Variants in CLOCK observed in about 807,000 individuals in gnomAD.
The protein encoded by CLOCK is clock circadian regulator, also known as circadian locomoter output cycles protein kaput.
A neutral mutation model predicts 118.4 loss-of-function variants in CLOCK; 43 were observed. That is an observed-to-expected ratio of 0.36 (90% CI 0.28 to 0.47). The LOEUF (loss-of-function observed/expected upper bound fraction) is 0.47, where lower values mean the gene tolerates loss of function less well. Ranked by LOEUF, CLOCK falls within the 20% of genes least tolerant of loss-of-function variation. The pLI is 1.00. For synonymous variants in CLOCK, 326 were observed against 339.2 expected, an observed-to-expected ratio of 0.96 and a Z score of 0.43; for missense variants, 846 against 999.9, an observed-to-expected ratio of 0.85 and a Z score of 2.08.
intron 1 of CLOCK, among the ~76,000 whole-genome samples, chr4:55,522,504 TA>T (rs77210975): frequency 0.032 from 4,738 of 147,912 alleles, 246 homozygotes; most frequent in African/African-American, 0.11. Context: ...TGTTTTTTTT[TA>T]AAAAAAAAAG....
chr4:55,437,894 C>T (rs998846447), intron 22 of CLOCK, among the ~76,000 whole-genome samples: 2 of 152,104 alleles, frequency 1.3e-5, no homozygotes, highest in Admixed American at 6.5e-5. Flanking sequence ...TTTAAGGTAA[C>T]ACCTATACTA....
intron 1 of CLOCK, among the ~76,000 whole-genome samples, chr4:55,531,517 C>G (rs1202918061): frequency 6.6e-6 from 1 of 151,526 alleles, no homozygotes; most frequent in Middle Eastern, 3.2e-3. Context: ...CCATCCTGGC[C>G]AACATGGTGA....
At chr4:55,473,217 C>T (rs7668147) in intron 7 of CLOCK, among the ~76,000 whole-genome samples, 88,419 of 151,108 alleles carry the variant, frequency 0.59, 27,445 homozygotes, top group South Asian at 0.81. Flanking sequence ...AGCAAGACTC[C>T]GTCTCCCAAA....
In CLOCK at chr4:55,517,402, C is replaced by A. The variant is rs538518306; in HGVS notation, c.-289-7337G>T. 7.3e-4 allele frequency among the ~76,000 whole-genome samples: 111 copies of A among 152,194 alleles called. 1 individual carries two copies. Among genetic ancestry groups the A allele is most frequent in the Non-Finnish European group, 1.3e-3 (87 of 68,006 alleles). On this transcript the variant is annotated intron_variant, in intron 1 of 22. Transcript: ENST00000513440. ...GCACGGGCCTGTAGTCCCAGCTACT[C>A]AGGAGGCTGAGGCAGGAGAATCACT...
intron 7 of CLOCK, 96 bp from the exon 8 acceptor site, chr4:55,470,902 G>T: frequency 1.2e-6 from 1 of 831,704 alleles, no homozygotes; most frequent in Non-Finnish European, 2.0e-6. Context: ...GATTTAATAT[G>T]GAAATATCCA....
At chr4:55,438,575 G>A in intron 21 of CLOCK, 38 bp from the exon 22 acceptor site, 2 of 1,611,986 alleles carry the variant, frequency 1.2e-6, no homozygotes, top group South Asian at 2.2e-5. Context: ...GGAGTCCAAA[G>A]TACAAGGTAT....
rs114805814 is a variant in CLOCK, at chr4:55,456,861, T to C, written c.793-561A>G. 8.3e-3 allele frequency among the ~76,000 whole-genome samples: 1,257 copies of C among 152,112 alleles called. 21 individuals carry two copies. The highest frequency in any genetic ancestry group is 0.029 in the African/African-American group (1,197 of 41,498). On this transcript the variant is annotated intron_variant, in intron 11 of 22. Coordinates refer to ENST00000513440, the MANE Select transcript of CLOCK (RefSeq NM_004898.4). ...GCCCGGCTAATTTTTGTATTTTTAT[T>C]TGTAGAGGTGGGGGGTCTATGTTGT...
chr4:55,457,677 C>G (rs1243690293), intron 11 of CLOCK, among the ~76,000 whole-genome samples: 3 of 152,172 alleles, frequency 2.0e-5, no homozygotes, highest in African/African-American at 2.4e-5. Context: ...CACACACTAA[C>G]CCTAGACTCT....
At chr4:55,517,435 G>A (rs925335171) in intron 1 of CLOCK, among the ~76,000 whole-genome samples, 14 of 152,082 alleles carry the variant, frequency 9.2e-5, no homozygotes, top group Admixed American at 2.0e-4. Context: ...ACTTGAACCC[G>A]GGAGGCAGAG....
intron 1 of CLOCK, among the ~76,000 whole-genome samples, chr4:55,529,734 T>G (rs1730417666): frequency 6.6e-6 from 1 of 152,174 alleles, no homozygotes. Context: ...GACAAAGAGA[T>G]TAATCATTTG....
chr4:55,539,294 T>C (rs1731100202), intron 1 of CLOCK, among the ~76,000 whole-genome samples: 1 of 150,444 alleles, frequency 6.6e-6, no homozygotes, highest in Non-Finnish European at 1.5e-5. Context: ...AAGGTGAAAC[T>C]GCCGTGCATG....
chr4:55,540,007 ATTT>A (rs57907284), intron 1 of CLOCK, among the ~76,000 whole-genome samples: 312 of 135,986 alleles, frequency 2.3e-3, no homozygotes, highest in South Asian at 8.2e-3. Context: ...AATGATATTA[ATTT>A]TTTTTTTTTT....
At chr4:55,456,107 G>T in intron 12 of CLOCK, 104 bp from the exon 13 acceptor site, 14 of 1,337,288 alleles carry the variant, frequency 1.0e-5, no homozygotes, top group Non-Finnish European at 1.3e-5. Flanking sequence ...TCAAAAAATG[G>T]GAACAGGTTT....
intron 19 of CLOCK, 110 bp from the exon 20 acceptor site, chr4:55,444,006 A>G: frequency 2.3e-6 from 2 of 883,468 alleles, no homozygotes; most frequent in Non-Finnish European, 3.5e-6. Flanking sequence ...AGCAAGTAAC[A>G]AGGCTAAGTC....
intron 1 of CLOCK, among the ~76,000 whole-genome samples, chr4:55,542,471 T>G (rs1731345178): frequency 6.6e-6 from 1 of 150,582 alleles, no homozygotes; most frequent in Admixed American, 6.7e-5. Flanking sequence ...TACTGCATCT[T>G]TCTAGGTATC....
intron 18 of CLOCK, among the ~76,000 whole-genome samples, chr4:55,446,037 A>G: frequency 6.7e-6 from 1 of 149,282 alleles, no homozygotes; most frequent in East Asian, 2.0e-4. Flanking sequence ...TTACACATAC[A>G]CCCTGGATTT....
chr4:55,535,696 G>T (rs552427352), intron 1 of CLOCK, among the ~76,000 whole-genome samples: 1 of 150,794 alleles, frequency 6.6e-6, no homozygotes, highest in Non-Finnish European at 1.5e-5. Flanking sequence ...AGGAGCTGTG[G>T]AAGCATGGGA....
intron 7 of CLOCK, among the ~76,000 whole-genome samples, chr4:55,474,624 CA>C (rs926808475): frequency 1.9e-4 from 29 of 152,304 alleles, no homozygotes; most frequent in African/African-American, 7.0e-4. Context: ...ACTCTCTTGT[CA>C]GGGGCAAATG....
At chr4:55,461,639 C>G (rs1050961944) in intron 9 of CLOCK, among the ~76,000 whole-genome samples, 1 of 152,054 alleles carries the variant, frequency 6.6e-6, no homozygotes, top group Non-Finnish European at 1.5e-5. Context: ...GTGAGCACAG[C>G]CTGAGTTGAG....
Sources: allele counts gnomAD v4.1 joint callset (sites outside exome capture counted in the v4.1 genomes callset), GRCh38; gene constraint gnomAD v4.1.1; transcripts MANE v1.5; gene names NCBI Gene and HGNC (gene_info 2026-07-23, HGNC 2026-07-21).